The following CSMD1 variants were observed in gnomAD, a reference collection of about 807,000 sequenced individuals.
CSMD1 encodes the protein CUB and Sushi multiple domains 1.
A neutral mutation model predicts 417.5 loss-of-function variants in CSMD1; 213 were observed. The observed-to-expected ratio is 0.51, with a 90% confidence interval of 0.46 to 0.57. The LOEUF is 0.57. Among genes scored for constraint, CSMD1 ranks in the 20% least tolerant of loss-of-function variants. The pLI is 0.00. For missense variants in CSMD1, 6,923 were observed against 4,529.7 expected (o/e 1.53, Z -15.17); for synonymous variants, 2,862 against 1,736.8 (o/e 1.65, Z -16.11).
chr8:3,699,853 A>C (rs1048049925), intron 7 of CSMD1, among the ~76,000 whole-genome samples: 2 of 152,158 alleles, frequency 1.3e-5, no homozygotes, highest in Non-Finnish European at 2.9e-5. Context: ...ACACCATCCC[A>C]TAACTACATC....
chr8:4,900,948 G>T (rs559815334), intron 1 of CSMD1, among the ~76,000 whole-genome samples: 1 of 152,222 alleles, frequency 6.6e-6, no homozygotes, highest in Non-Finnish European at 1.5e-5. Context: ...GCACAGTGCG[G>T]CCACATGGCA....
In CSMD1 at chr8:3,032,405, C is replaced by T. The variant is rs191506545; in HGVS notation, c.7661-2892G>A. ...TCAGTTGTGTCTCCATGCACCCCTG[C>T]GTTCATACAAAAACAGTGCCAACAG... On this transcript the variant is annotated intron_variant, in intron 50 of 69. Coordinates refer to ENST00000635120, the MANE Select transcript of CSMD1 (RefSeq NM_033225.6). Among the ~76,000 whole-genome samples, 116 of 151,992 alleles carry T rather than the reference C, an allele frequency of 7.6e-4. 2 individuals are homozygous for T. The highest frequency in any genetic ancestry group is 1.5e-3 in the Non-Finnish European group (101 of 67,950).
intron 63 of CSMD1, 31 bp from the exon 64 acceptor site, chr8:2,955,799 T>A: frequency 3.1e-6 from 5 of 1,601,926 alleles, no homozygotes; most frequent in Non-Finnish European, 3.4e-6. Context: ...ATTGAGACTT[T>A]GTTTATTGTA....
chr8:3,592,643 T>A (rs1257053953), intron 8 of CSMD1, among the ~76,000 whole-genome samples: 1 of 151,888 alleles, frequency 6.6e-6, no homozygotes, highest in Non-Finnish European at 1.5e-5. Flanking sequence ...TGCTGAAGGG[T>A]CTATGTGTGT....
chr8:3,044,716 T>C (rs769282452), intron 50 of CSMD1, among the ~76,000 whole-genome samples: 9 of 152,200 alleles, frequency 5.9e-5, no homozygotes, highest in Non-Finnish European at 1.2e-4. Flanking sequence ...TAATTCCTTA[T>C]TATAACCTTC....
intron 5 of CSMD1, among the ~76,000 whole-genome samples, chr8:3,862,540 T>C (rs1034870563): frequency 2.6e-5 from 4 of 152,210 alleles, no homozygotes; most frequent in African/African-American, 9.7e-5. Context: ...ATTCACCTTT[T>C]CTTTGAGATT....
intron 2 of CSMD1, among the ~76,000 whole-genome samples, chr8:4,569,602 G>A (rs1798784867): frequency 6.6e-6 from 1 of 152,112 alleles, no homozygotes; most frequent in Non-Finnish European, 1.5e-5. Context: ...TGTTCTTTTT[G>A]CTTAGGATTG....
At chr8:4,295,521 A>C (rs1307499151) in intron 3 of CSMD1, among the ~76,000 whole-genome samples, 1 of 144,498 alleles carries the variant, frequency 6.9e-6, no homozygotes, top group East Asian at 2.1e-4. Flanking sequence ...ATAATCTTAT[A>C]TATATTACAT....
intron 5 of CSMD1, among the ~76,000 whole-genome samples, chr8:3,937,728 T>C (rs1810602323): frequency 6.6e-6 from 1 of 152,148 alleles, no homozygotes; most frequent in South Asian, 2.1e-4. Context: ...TCCACATTAG[T>C]ACACCAGGTA....
chr8:3,896,173 C>T (rs1023003481), intron 5 of CSMD1, among the ~76,000 whole-genome samples: 10 of 152,122 alleles, frequency 6.6e-5, no homozygotes, highest in Non-Finnish European at 1.3e-4. Context: ...TAAGACACAA[C>T]AAAAACATGA....
chr8:4,705,875 C>A (rs970924354), intron 1 of CSMD1, among the ~76,000 whole-genome samples: 1 of 152,106 alleles, frequency 6.6e-6, no homozygotes, highest in African/African-American at 2.4e-5. Flanking sequence ...TATACAGATT[C>A]TTTCATTTGA....
At position 4,172,270 on chromosome 8, in the gene CSMD1, C is replaced by T. The variant is rs561983306; in HGVS notation, c.416-140171G>A. Reference sequence around the variant, plus strand: ...TGAACAAATGAATGTCTGGAATCCTCTTTGTTTCCTCTTGCAATGCAGTAA... The same window carrying T: ...TGAACAAATGAATGTCTGGAATCCTTTTTGTTTCCTCTTGCAATGCAGTAA... On this transcript the variant is annotated intron_variant, in intron 3 of 69. Transcript: ENST00000635120. Among the ~76,000 whole-genome samples the T allele has an allele frequency of 8.9e-4, 135 of 152,262 alleles. 1 individual carries two copies. Among genetic ancestry groups the T allele is most frequent in the African/African-American group, 3.2e-3 (133 of 41,534 alleles).
At chr8:3,128,604 C>A (rs2129024927) in intron 41 of CSMD1, 1 of 301,030 alleles carries the variant, frequency 3.3e-6, no homozygotes, top group African/African-American at 2.2e-5. Flanking sequence ...TAAGTGTCAT[C>A]TTATCAATTT....
rs1302332649 is a variant in CSMD1, at chr8:3,319,671, ATTAT to A, written c.3632-11172_3632-11169del. Among the ~76,000 whole-genome samples the A allele has an allele frequency of 4.6e-5, 7 of 152,210 alleles. No individual in the cohort carries two copies. The East Asian group carries it at 9.7e-4, about 21-fold the overall frequency. ...TTTTTAAAGATGGGAGAATTCTCAG[ATTAT>A]TTGTTTTTTTTTGCCTGATTGCTGA... is the stretch of plus-strand genomic sequence containing the variant. On this transcript the variant is annotated intron_variant, in intron 23 of 69. Coordinates refer to ENST00000635120, the MANE Select transcript of CSMD1 (RefSeq NM_033225.6).
chr8:4,626,137 T>A (rs995145249), intron 2 of CSMD1, among the ~76,000 whole-genome samples: 1 of 152,130 alleles, frequency 6.6e-6, no homozygotes, highest in Non-Finnish European at 1.5e-5. Context: ...AGAGACACTA[T>A]CTCCTTTACA....
At chr8:4,441,439 C>A (rs1798477057) in intron 2 of CSMD1, among the ~76,000 whole-genome samples, 1 of 150,044 alleles carries the variant, frequency 6.7e-6, no homozygotes, top group South Asian at 2.1e-4. Flanking sequence ...AGATTACTTT[C>A]TTAAAATGAA....
intron 37 of CSMD1, among the ~76,000 whole-genome samples, chr8:3,165,688 T>A (rs1250431359): frequency 6.6e-6 from 1 of 152,026 alleles, no homozygotes; most frequent in African/African-American, 2.4e-5. Flanking sequence ...TGCCTCAGCC[T>A]CCCCAAAGTG....
At chr8:4,384,280 C>G (rs1358180047) in intron 3 of CSMD1, among the ~76,000 whole-genome samples, 1 of 152,022 alleles carries the variant, frequency 6.6e-6, no homozygotes, top group East Asian at 1.9e-4. Flanking sequence ...CATGGTAAAG[C>G]CTTAGCCAAT....
chr8:3,988,831 T>C (rs1190745454), intron 5 of CSMD1, among the ~76,000 whole-genome samples: 1 of 152,158 alleles, frequency 6.6e-6, no homozygotes, highest in Non-Finnish European at 1.5e-5. Context: ...ATCATTTAGG[T>C]CCTATTTTTT....
Sources: allele counts gnomAD v4.1 joint callset (sites outside exome capture counted in the v4.1 genomes callset), GRCh38; gene constraint gnomAD v4.1.1; transcripts MANE v1.5; gene names NCBI Gene and HGNC (gene_info 2026-07-23, HGNC 2026-07-21).